The following CMTM7 variants were observed in gnomAD, a reference collection of about 807,000 sequenced individuals.
CMTM7 encodes the protein CKLF like MARVEL transmembrane domain containing 7, also known as CKLF-like MARVEL transmembrane domain-containing protein 7.
Under a neutral mutation model 19.3 loss-of-function variants are expected in CMTM7, and 7 were observed. The ratio of observed to expected loss-of-function variants is 0.36; its 90% CI spans 0.21 to 0.68. The LOEUF (loss-of-function observed/expected upper bound fraction) is 0.68. Among genes scored for constraint, CMTM7 ranks in the 30% least tolerant of loss-of-function variants. The pLI, the probability that CMTM7 is intolerant of heterozygous loss-of-function variation, is 0.60. For missense variants in CMTM7, 193 were observed against 232.6 expected (o/e 0.83, Z 1.11); for synonymous variants, 87 against 99.3 (o/e 0.88, Z 0.74).
chr3:32,397,484 C>T (rs1238437310), intron 1 of CMTM7, among the ~76,000 whole-genome samples: 1 of 152,066 alleles, frequency 6.6e-6, no homozygotes, highest in Non-Finnish European at 1.5e-5. Flanking sequence ...CCTGTAATCC[C>T]AGCACTTTGG....
chr3:32,431,710 G>A (rs1696522472), intron 1 of CMTM7, among the ~76,000 whole-genome samples: 1 of 152,188 alleles, frequency 6.6e-6, no homozygotes, highest in Non-Finnish European at 1.5e-5. Flanking sequence ...TGCAGGCCAG[G>A]GTCCCAGGCC....
Position 32,391,978 on chromosome 3 carries a change from G to T in CMTM7, c.72G>T (p.Ala24=). The change falls in exon 1 of 5, where the codon GCG becomes GCT. Residue 24 remains alanine (A), a synonymous_variant. Transcript: ENST00000334983. ...GCGCGCTCGGACCCGGGGCCGGCGC[G>T]GCCCAGCCCAGCGCGAGCCCCTTGG... is the stretch of plus-strand genomic sequence containing the variant. ...SGSALGPGAG[A]AQPSASPLEG... 1 of 1,232,676 alleles carries T rather than the reference G, an allele frequency of 8.1e-7. No homozygotes were observed. Among genetic ancestry groups the T allele is most frequent in the African/African-American group, 1.6e-5 (1 of 64,364 alleles). The allele number at this position is 1,232,676 out of a possible 1,614,324, so 76.4% of individuals were successfully genotyped here.
At chr3:32,397,474 C>T (rs1695935498) in intron 1 of CMTM7, among the ~76,000 whole-genome samples, 1 of 152,104 alleles carries the variant, frequency 6.6e-6, no homozygotes, top group Non-Finnish European at 1.5e-5. Context: ...GTGGCTCACG[C>T]CTGTAATCCC....
At chr3:32,435,673 C>T (rs1696587820) in intron 1 of CMTM7, among the ~76,000 whole-genome samples, 1 of 152,164 alleles carries the variant, frequency 6.6e-6, no homozygotes, top group African/African-American at 2.4e-5. Flanking sequence ...ACCTATAGGA[C>T]AGCCACCTAC....
chr3:32,443,472 G>A (rs1332672874), intron 2 of CMTM7, among the ~76,000 whole-genome samples: 1 of 152,168 alleles, frequency 6.6e-6, no homozygotes, highest in Admixed American at 6.5e-5. Context: ...TTCATCTTCA[G>A]TGGACCTTTG....
chr3:32,433,031 C>G (rs1696544142), intron 1 of CMTM7, among the ~76,000 whole-genome samples: 1 of 152,140 alleles, frequency 6.6e-6, no homozygotes, highest in Non-Finnish European at 1.5e-5. Flanking sequence ...GCTCTTTTTG[C>G]AGTCTTGAAA....
intron 1 of CMTM7, among the ~76,000 whole-genome samples, chr3:32,419,558 A>AGTTTT (rs56263525): frequency 0.42 from 63,217 of 151,310 alleles, 13,433 homozygotes; most frequent in South Asian, 0.47. Flanking sequence ...GCTTGCTGAA[A>AGTTTT]GTTTTGTTTT....
At position 32,416,361 on chromosome 3, in the gene CMTM7, A is replaced by ATTTTTTTTT. The variant is rs58085712; in HGVS notation, c.159+24324_159+24332dup. ...CAGACGTGCGCCACCATCCGGGCTA[A>ATTTTTTTTT]TTTTTTTTTTTTTTTTTTTTTTTTT... On this transcript the variant is annotated intron_variant, in intron 1 of 4. Coordinates refer to ENST00000334983, the MANE Select transcript of CMTM7 (RefSeq NM_138410.4). Among the ~76,000 whole-genome samples the ATTTTTTTTT allele has an allele frequency of 1.7e-3, 121 of 72,408 alleles. 5 individuals carry two copies. Among genetic ancestry groups the ATTTTTTTTT allele is most frequent in the African/African-American group, 2.1e-3 (36 of 17,002 alleles). The allele number at this position is 72,408 out of a possible 152,430, so 47.5% of individuals were successfully genotyped here.
At chr3:32,453,308 T>A (rs1696864462) in intron 4 of CMTM7, among the ~76,000 whole-genome samples, 1 of 152,112 alleles carries the variant, frequency 6.6e-6, no homozygotes, top group African/African-American at 2.4e-5. Flanking sequence ...AAAAGCCATC[T>A]GTCATCACAC....
At chr3:32,448,863 C>T (rs549448932) in intron 2 of CMTM7, among the ~76,000 whole-genome samples, 4 of 151,826 alleles carry the variant, frequency 2.6e-5, no homozygotes, top group African/African-American at 7.3e-5. Flanking sequence ...CACAGAAGTG[C>T]CACTGACCTC....
In CMTM7 at chr3:32,445,383, T is replaced by C. The variant is rs1401332330; in HGVS notation, c.333+3370T>C. Among the ~76,000 whole-genome samples, 3 of 152,224 alleles carry C rather than the reference T, an allele frequency of 2.0e-5. No homozygotes were observed. The East Asian group carries it at 5.8e-4, about 29-fold the overall frequency. Reference sequence around the variant, plus strand: ...GCCCTTTATCAAGTTGAAGTTCCCTTCTAGCATTACTTTGTTGAGTGTTTT... The same window carrying C: ...GCCCTTTATCAAGTTGAAGTTCCCTCCTAGCATTACTTTGTTGAGTGTTTT... On this transcript the variant is annotated intron_variant, in intron 2 of 4. Transcript: ENST00000334983.
intron 1 of CMTM7, among the ~76,000 whole-genome samples, chr3:32,412,365 T>C (rs1041162475): frequency 1.3e-5 from 2 of 152,032 alleles, no homozygotes; most frequent in Non-Finnish European, 2.9e-5. Context: ...CGCACGCCTC[T>C]AGTCCCAGCT....
intron 1 of CMTM7, among the ~76,000 whole-genome samples, chr3:32,438,567 G>C (rs1696632290): frequency 6.6e-6 from 1 of 152,044 alleles, no homozygotes; most frequent in Non-Finnish European, 1.5e-5. Flanking sequence ...CAAAAAGGAA[G>C]CTTTTAGGAG....
chr3:32,426,316 T>C (rs1237465129), intron 1 of CMTM7, among the ~76,000 whole-genome samples: 1 of 152,258 alleles, frequency 6.6e-6, no homozygotes, highest in East Asian at 1.9e-4. Flanking sequence ...CCATGAGTCT[T>C]TCTTAACCTT....
intron 4 of CMTM7, 150 bp downstream of exon 4, chr3:32,452,623 A>AG: frequency 2.8e-6 from 2 of 719,834 alleles, no homozygotes; most frequent in Middle Eastern, 2.5e-4. Context: ...GGGCCAGCAA[A>AG]GGGGAAGATG....
At position 32,442,724 on chromosome 3, in the gene CMTM7, G is replaced by A. The variant is rs115628352; in HGVS notation, c.333+711G>A. Among the ~76,000 whole-genome samples the A allele has an allele frequency of 5.7e-3, 864 of 152,138 alleles. 4 individuals carry two copies. Among genetic ancestry groups the A allele is most frequent in the Non-Finnish European group, 0.01 (689 of 67,982 alleles). On this transcript the variant is annotated intron_variant, in intron 2 of 4. Coordinates refer to ENST00000334983, the MANE Select transcript of CMTM7 (RefSeq NM_138410.4). ...GGGGCTGAGGAGACAGTCAGAAGTT[G>A]CCAGACTTTTTCTTCCCACTGTATT...
chr3:32,424,662 G>T (rs959610446), intron 1 of CMTM7, among the ~76,000 whole-genome samples: 1 of 151,532 alleles, frequency 6.6e-6, no homozygotes, highest in Non-Finnish European at 1.5e-5. Flanking sequence ...GCGGCTGGGG[G>T]GATACATGGT....
Position 32,391,923 on chromosome 3 carries a change from G to A in CMTM7, c.17G>A (p.Gly6Glu). Residue 6 changes from glycine to glutamate, a missense_variant, in exon 1 of 5, where the codon GGG becomes GAG. Coordinates refer to ENST00000334983, the MANE Select transcript of CMTM7 (RefSeq NM_138410.4). ...GGCCGCGCAATGTCGCACGGAGCCG[G>A]GCTCGTCCGCACCACGTGCAGCAGC... is the stretch of plus-strand genomic sequence containing the variant. MSHGA[G>E]LVRTTCSSGS... 2.4e-6 allele frequency: 3 copies of A among 1,226,208 alleles called. No individual in the cohort carries two copies. The highest frequency in any genetic ancestry group is 3.0e-6 in the Non-Finnish European group (3 of 984,234). 76.0% of individuals were successfully genotyped at this position (1,226,208 alleles called of 1,614,324 possible). A position where few individuals can be genotyped will look rare whatever the true frequency, so the allele number is the denominator to read the frequency against.
intron 1 of CMTM7, among the ~76,000 whole-genome samples, chr3:32,420,238 A>G (rs1696324211): frequency 6.6e-6 from 1 of 152,164 alleles, no homozygotes; most frequent in Admixed American, 6.5e-5. Flanking sequence ...TGTTTCCTCC[A>G]GATGCATCCA....
Sources: gnomAD v4.1 joint callset for allele counts (sites outside exome capture counted in the v4.1 genomes callset) on GRCh38, gnomAD v4.1.1 for gene constraint, MANE v1.5 for transcripts, NCBI Gene and HGNC (gene_info 2026-07-23, HGNC 2026-07-21) for gene names.